TSPEAR: variants seen among roughly 807,000 people sequenced by gnomAD.
TSPEAR encodes the protein thrombospondin type laminin G domain and EAR repeats, also known as thrombospondin-type laminin G domain and EAR repeat-containing protein.
Under a neutral mutation model 71.6 loss-of-function variants are expected in TSPEAR, and 69 were observed. The ratio of observed to expected loss-of-function variants is 0.96; its 90% CI spans 0.79 to 1.18. The LOEUF (loss-of-function observed/expected upper bound fraction) is 1.18, where lower values mean the gene tolerates loss of function less well. TSPEAR is among the 50% of genes most tolerant of loss of function. The pLI is 0.00. For synonymous variants in TSPEAR, 402 were observed against 387.2 expected (o/e 1.04, Z -0.45); for missense variants, 971 against 894.9 (o/e 1.09, Z -1.09).
In TSPEAR at chr21:44,627,375, A is replaced by G. The variant is rs782427609; in HGVS notation, c.83-59370T>C. ...TGACCTGTGAGCCCAGCCCCTGCCA[A>G]TCAGGCTGCACCAGCTCCTGCACGC... On this transcript the variant is annotated intron_variant, in intron 1 of 11. Coordinates refer to ENST00000323084, the MANE Select transcript of TSPEAR (RefSeq NM_144991.3). The G allele has an allele frequency of 5.3e-5, 85 of 1,613,532 alleles. 1 individual carries two copies. In the South Asian group the frequency reaches 8.8e-4, roughly 17 times the overall value.
At chr21:44,559,538 C>T (rs587662396) in intron 2 of TSPEAR, among the ~76,000 whole-genome samples, 59 of 152,328 alleles carry the variant, frequency 3.9e-4, no homozygotes, top group African/African-American at 1.3e-3. Context: ...ACATCACCTG[C>T]AATGGTGTCC....
intron 2 of TSPEAR, chr21:44,551,505 A>T (rs2053438434): frequency 2.6e-6 from 4 of 1,549,282 alleles, no homozygotes; most frequent in Non-Finnish European, 3.5e-6. Flanking sequence ...TGAGTGAGTG[A>T]GTGTGTGTGT....
chr21:44,559,121 A>C (rs1220528279), intron 2 of TSPEAR, among the ~76,000 whole-genome samples: 2 of 150,584 alleles, frequency 1.3e-5, no homozygotes, highest in Non-Finnish European at 2.9e-5. Flanking sequence ...GTTTGCACTT[A>C]AAAAAAGACT....
At chr21:44,682,382 T>C (rs782691357) in intron 1 of TSPEAR, among the ~76,000 whole-genome samples, 3 of 152,198 alleles carry the variant, frequency 2.0e-5, no homozygotes, top group Non-Finnish European at 4.4e-5. Flanking sequence ...CTGCCCAAAT[T>C]TATCAGTGAT....
chr21:44,565,632 T>C (rs587761062), intron 2 of TSPEAR, among the ~76,000 whole-genome samples: 6 of 152,260 alleles, frequency 3.9e-5, no homozygotes, highest in African/African-American at 1.4e-4. Flanking sequence ...ATTATAACAA[T>C]AGATGCAGAA....
At chr21:44,651,830 A>G (rs776351420) in intron 1 of TSPEAR, among the ~76,000 whole-genome samples, 1 of 152,210 alleles carries the variant, frequency 6.6e-6, no homozygotes, top group Non-Finnish European at 1.5e-5. Flanking sequence ...TGGCCACAGA[A>G]GTTCACCTCT....
At chr21:44,503,643 G>T (rs1246085317) in intron 11 of TSPEAR, among the ~76,000 whole-genome samples, 2 of 134,084 alleles carry the variant, frequency 1.5e-5, no homozygotes, top group Non-Finnish European at 1.6e-5. Flanking sequence ...GTGAGCCCTT[G>T]GGGGGAAGCC....
At chr21:44,663,225 TA>T (rs1302502504) in intron 1 of TSPEAR, among the ~76,000 whole-genome samples, 2 of 148,234 alleles carry the variant, frequency 1.3e-5, no homozygotes, top group African/African-American at 5.0e-5. Flanking sequence ...AAAATTATAA[TA>T]AAAAGAAAAA....
At chr21:44,558,134 G>T (rs782707169) in intron 2 of TSPEAR, 1 of 1,613,138 alleles carries the variant, frequency 6.2e-7, no homozygotes, top group Non-Finnish European at 8.5e-7. Context: ...GGAGGGACAC[G>T]CAGGAGGCCG....
chr21:44,619,793 C>T (rs1982330112), intron 1 of TSPEAR, among the ~76,000 whole-genome samples: 1 of 152,188 alleles, frequency 6.6e-6, no homozygotes, highest in Non-Finnish European at 1.5e-5. Flanking sequence ...AAGATAGATC[C>T]ATTGAAGTAT....
chr21:44,666,980 C>G, intron 1 of TSPEAR: 1 of 1,381,706 alleles, frequency 7.2e-7, no homozygotes. Flanking sequence ...CAGGCATCCC[C>G]ACAGCACAGA....
intron 1 of TSPEAR, chr21:44,602,122 C>G (rs1980980528): frequency 5.8e-6 from 2 of 344,734 alleles, no homozygotes; most frequent in South Asian, 9.7e-5. Context: ...TCTGTCTTCC[C>G]TGACCACGGG....
rs150107590 is a variant in TSPEAR at position 44,711,471 on chromosome 21, G to C, written c.44C>G (p.Ala15Gly). The C allele has an allele frequency of 6.2e-7, 1 of 1,611,592 alleles. No homozygotes were observed. ...CCAACCCTGCGTGCCGTGGCCGGGG[G>C]CCGCCAGGGGCAGCACAAAACACAG... The part of the protein sequence containing the change: ...LSLCFVLPLA[A>G]PGHGTQGWEP... The change falls in exon 1 of 12, where the codon GCC (alanine) becomes GGC (glycine). Residue 15 changes from alanine to glycine, a missense_variant. Ala to Gly is a moderately conservative substitution (Grantham distance 60). Coordinates refer to ENST00000323084, the MANE Select transcript of TSPEAR (RefSeq NM_144991.3). The surrounding 1 kb of genome is among the most constrained non-coding windows in gnomAD (Gnocchi z 4.5).
intron 1 of TSPEAR, among the ~76,000 whole-genome samples, chr21:44,599,231 T>C (rs1980608192): frequency 6.7e-6 from 1 of 149,912 alleles, no homozygotes; most frequent in African/African-American, 2.4e-5. Flanking sequence ...TGCTCAAATT[T>C]ATATTATTTT....
chr21:44,518,247 T>C (rs1555913742), intron 9 of TSPEAR: 3 of 456,484 alleles, frequency 6.6e-6, no homozygotes, highest in Non-Finnish European at 1.3e-5. Context: ...TTCTTTAGCC[T>C]GACTCCTGCA....
At chr21:44,694,835 G>T (rs1235125895) in intron 1 of TSPEAR, among the ~76,000 whole-genome samples, 2 of 152,214 alleles carry the variant, frequency 1.3e-5, no homozygotes, top group African/African-American at 4.8e-5. Context: ...TGGGGAGAAG[G>T]CGGCGCTCAC....
chr21:44,709,560 G>T (rs1176043519), intron 1 of TSPEAR, among the ~76,000 whole-genome samples: 1 of 152,260 alleles, frequency 6.6e-6, no homozygotes, highest in Non-Finnish European at 1.5e-5. Flanking sequence ...GGGCCCCGTG[G>T]CAGACCCGAA....
intron 1 of TSPEAR, among the ~76,000 whole-genome samples, chr21:44,592,837 C>T (rs979862450): frequency 6.6e-6 from 1 of 152,182 alleles, no homozygotes; most frequent in African/African-American, 2.4e-5. Context: ...AGGAAGCCGG[C>T]CTCAGGAAGT....
intron 2 of TSPEAR, chr21:44,558,395 T>TTGCAGCACACA: frequency 6.2e-7 from 1 of 1,610,800 alleles, no homozygotes; most frequent in South Asian, 1.1e-5. Flanking sequence ...CACAGCAGAC[T>TTGCAGCACACA]GGCTTGCAGC....
Sources: gnomAD v4.1 joint callset for allele counts (sites outside exome capture counted in the v4.1 genomes callset) on GRCh38, gnomAD v4.1.1 for gene constraint, Gnocchi (gnomAD v3.1) non-coding constraint, MANE v1.5 for transcripts, NCBI Gene and HGNC (gene_info 2026-07-23, HGNC 2026-07-21) for gene names.